The following CCT3 variants were observed in gnomAD, a reference collection of about 807,000 sequenced individuals.
The protein encoded by CCT3 is T-complex protein 1 subunit gamma.
Under a neutral mutation model 65.3 loss-of-function variants are expected in CCT3, and 10 were observed. That is an observed-to-expected ratio of 0.15 (90% confidence interval 0.09 to 0.26). The LOEUF is 0.26. CCT3 is among the 10% of genes least tolerant of loss of function. The pLI is 1.00. For synonymous variants in CCT3, 225 were observed against 242.3 expected, an observed-to-expected ratio of 0.93 and a Z score of 0.66; for missense variants, 626 against 708.7, an observed-to-expected ratio of 0.88 and a Z score of 1.33.
chr1:156,324,313 C>T (rs1405673908), intron 6 of CCT3, among the ~76,000 whole-genome samples: 1 of 151,808 alleles, frequency 6.6e-6, no homozygotes, highest in Non-Finnish European at 1.5e-5. Flanking sequence ...GTGATCCACC[C>T]ACCTGGGCCA....
intron 5 of CCT3, among the ~76,000 whole-genome samples, chr1:156,327,608 G>C (rs1462460809): frequency 1.3e-5 from 2 of 152,146 alleles, no homozygotes; most frequent in East Asian, 1.9e-4. Flanking sequence ...TGGTGCCCAG[G>C]CTGGAGTGCA....
intron 5 of CCT3, among the ~76,000 whole-genome samples, chr1:156,329,566 A>T (rs1298667496): frequency 1.3e-5 from 2 of 151,732 alleles, no homozygotes; most frequent in African/African-American, 4.8e-5. Context: ...TGGCCTCCCA[A>T]AGTGCTGGGA....
At chr1:156,311,348 T>C (rs774360852) in intron 11 of CCT3, among the ~76,000 whole-genome samples, 153 bp from the exon 12 acceptor site, 2 of 152,182 alleles carry the variant, frequency 1.3e-5, no homozygotes, top group Non-Finnish European at 2.9e-5. Context: ...GGGCAGATTA[T>C]TTACCTGAGA....
Position 156,334,723 on chromosome 1 carries a change from A to G in CCT3, c.197T>C (p.Ile66Thr). 1 of 1,614,108 alleles carries G rather than the reference A, an allele frequency of 6.2e-7. No homozygotes were observed. Among genetic ancestry groups the G allele is most frequent in the Non-Finnish European group, 8.5e-7 (1 of 1,179,970 alleles). ...GIVMTNDGNA[I>T]LREIQVQHPA... ...AAAAACAAAACACACCTCTCGAAGA[A>G]TGGCATTGCCATCATTGGTCATCAC... The change falls in exon 4 of 14, where the codon ATT (isoleucine) becomes ACT (threonine). Residue 66 changes from isoleucine to threonine, a missense_variant. Coordinates refer to ENST00000295688, the MANE Select transcript of CCT3 (RefSeq NM_005998.5).
rs1664447057 is a variant in CCT3, at chr1:156,319,271, C to T, written c.610-254G>A. 2.8e-5 allele frequency among the ~76,000 whole-genome samples: 4 copies of T among 143,976 alleles called. No individual in the cohort carries two copies. In the Admixed American group the frequency reaches 2.8e-4, roughly 10 times the overall value. The allele number at this position is 143,976 out of a possible 152,430, so 94.5% of individuals were successfully genotyped here. ...GGGACTACAGGCGCCCGCCACCACACCCGGCTAATTTTTTTTTTTGTATTT... is the reference window on the plus strand; with the variant it reads ...GGGACTACAGGCGCCCGCCACCACATCCGGCTAATTTTTTTTTTTGTATTT... On this transcript the variant is annotated intron_variant, in intron 7 of 13. Coordinates refer to ENST00000295688, the MANE Select transcript of CCT3 (RefSeq NM_005998.5).
At chr1:156,328,355 C>G (rs1354238952) in intron 5 of CCT3, among the ~76,000 whole-genome samples, 4 of 151,814 alleles carry the variant, frequency 2.6e-5, no homozygotes, top group Admixed American at 6.6e-5. Context: ...TCTGGGAGGT[C>G]TACCCAACAG....
intron 5 of CCT3, 22 bp from the exon 6 acceptor site, chr1:156,325,111 T>C (rs776988098): frequency 4.6e-6 from 7 of 1,510,932 alleles, no homozygotes; most frequent in African/African-American, 4.1e-5. Flanking sequence ...ACAAGCACCA[T>C]AGTAATATTT....
At chr1:156,337,025 C>A in intron 1 of CCT3, 1 of 1,243,542 alleles carries the variant, frequency 8.0e-7, no homozygotes, top group South Asian at 1.3e-5. Context: ...GGGGAGATGG[C>A]TAGCCAGGCT....
At chr1:156,334,627 A>G in intron 4 of CCT3, 86 bp downstream of exon 4, 2 of 1,291,434 alleles carry the variant, frequency 1.5e-6, no homozygotes, top group South Asian at 2.5e-5. Context: ...GCCCTAAAAA[A>G]CTAATCAGAG....
At chr1:156,323,646 T>A (rs1342377863) in intron 6 of CCT3, among the ~76,000 whole-genome samples, 4 of 151,858 alleles carry the variant, frequency 2.6e-5, no homozygotes, top group African/African-American at 9.7e-5. Flanking sequence ...TTTGTATTTT[T>A]AGTAGAGATG....
intron 10 of CCT3, among the ~76,000 whole-genome samples, chr1:156,316,298 AG>A (rs1362456795): frequency 6.6e-6 from 1 of 152,160 alleles, no homozygotes. Flanking sequence ...ATTTTATATA[AG>A]GGTTAAGCAT....
intron 5 of CCT3, 39 bp from the exon 6 acceptor site, chr1:156,325,128 T>C: frequency 7.2e-7 from 1 of 1,383,738 alleles, no homozygotes; most frequent in Non-Finnish European, 1.0e-6. Context: ...ATTTAAAGCA[T>C]CTGGATATCA....
At position 156,318,917 on chromosome 1, in the gene CCT3, C is replaced by A. The variant is rs746245572; in HGVS notation, c.710G>T (p.Arg237Leu). 1.2e-6 allele frequency: 2 copies of A among 1,613,944 alleles called. No individual in the cohort carries two copies. Among genetic ancestry groups the A allele is most frequent in the South Asian group, 1.1e-5 (1 of 91,072 alleles). Reference protein sequence around the residue: ...PRMRRYIKNPRIVLLDSSLEY... With the variant: ...PRMRRYIKNPLIVLLDSSLEY... Reference sequence around the variant, plus strand: ...CAGAGAAGAATCCAGCAGCACAATGCGAGGGTTCTTGATATAGCGCCGCAT... The same window carrying A: ...CAGAGAAGAATCCAGCAGCACAATGAGAGGGTTCTTGATATAGCGCCGCAT... The change falls in exon 8 of 14, where the codon CGC becomes CTC. Residue 237 changes from arginine to leucine, a missense_variant. Physicochemically the swap from Arg to Leu is moderately radical, Grantham distance 102 (BLOSUM62 -2). Coordinates refer to ENST00000295688, the MANE Select transcript of CCT3 (RefSeq NM_005998.5).
At chr1:156,333,879 G>A (rs747304905) in intron 4 of CCT3, among the ~76,000 whole-genome samples, 8 of 152,204 alleles carry the variant, frequency 5.3e-5, no homozygotes, top group Non-Finnish European at 1.0e-4. Context: ...CCAGAGGACA[G>A]AACGATATCT....
At chr1:156,331,782 C>T in intron 5 of CCT3, among the ~76,000 whole-genome samples, 1 of 151,892 alleles carries the variant, frequency 6.6e-6, no homozygotes, top group Admixed American at 6.6e-5. Flanking sequence ...ACCTATTATC[C>T]CAGCACTTTG....
chr1:156,336,571 G>C (rs915702562), intron 1 of CCT3, among the ~76,000 whole-genome samples: 6 of 152,258 alleles, frequency 3.9e-5, no homozygotes, highest in Admixed American at 3.9e-4. Flanking sequence ...CCATCACTAA[G>C]AACTGACTAC....
chr1:156,333,762 A>T, intron 4 of CCT3, 119 bp from the exon 5 acceptor site: 1 of 682,688 alleles, frequency 1.5e-6, no homozygotes, highest in Non-Finnish European at 2.5e-6. Context: ...TTAATGTTTT[A>T]CCATATCTTG....
At chr1:156,337,016 G>A in intron 1 of CCT3, 1 of 1,168,050 alleles carries the variant, frequency 8.6e-7, no homozygotes, top group Non-Finnish European at 1.1e-6. Flanking sequence ...GGTAAGGGAG[G>A]GGAGATGGCT....
chr1:156,325,688 CCA>C (rs1386296664), intron 5 of CCT3, among the ~76,000 whole-genome samples: 174 of 151,990 alleles, frequency 1.1e-3, no homozygotes, highest in African/African-American at 4.1e-3. Context: ...AGCGATTTTC[CCA>C]CCTCGGCCTC....
Sources: gnomAD v4.1 joint callset for allele counts (sites outside exome capture counted in the v4.1 genomes callset) on GRCh38, gnomAD v4.1.1 for gene constraint, MANE v1.5 for transcripts, NCBI Gene and HGNC (gene_info 2026-07-23, HGNC 2026-07-21) for gene names.